The following FRMD5 variants were observed in gnomAD, a reference collection of about 807,000 sequenced individuals.
The protein encoded by FRMD5 is FERM domain-containing protein 5.
FRMD5 carries 20 observed loss-of-function variants against 69.0 expected under a neutral mutation model. That is an observed-to-expected ratio of 0.29 (90% CI 0.20 to 0.42). FRMD5 has a LOEUF of 0.42. Among genes scored for constraint, FRMD5 ranks in the 10% least tolerant of loss-of-function variants. FRMD5 has a pLI of 1.00. For missense variants in FRMD5, 595 were observed against 708.6 expected (o/e 0.84, Z 1.82); for synonymous variants, 271 against 260.1 (o/e 1.04, Z -0.40).
At chr15:44,046,705 T>C (rs543376143) in intron 1 of FRMD5, among the ~76,000 whole-genome samples, 3 of 152,370 alleles carry the variant, frequency 2.0e-5, no homozygotes, top group Non-Finnish European at 4.4e-5. Flanking sequence ...CTATAATTTT[T>C]CTAAGCAGTT....
intron 1 of FRMD5, among the ~76,000 whole-genome samples, chr15:44,054,714 T>A (rs1375719240): frequency 6.6e-6 from 1 of 152,228 alleles, no homozygotes; most frequent in East Asian, 1.9e-4. Context: ...GAGTGATATG[T>A]CAGTTTTCAA....
intron 1 of FRMD5, among the ~76,000 whole-genome samples, chr15:43,931,435 A>AAC (rs373803112): frequency 2.0e-5 from 3 of 151,686 alleles, no homozygotes; most frequent in Non-Finnish European, 4.4e-5. Context: ...CCCCACTCCC[A>AAC]ACACACACAC....
chr15:44,100,220 A>ATT (rs779826479), intron 1 of FRMD5, among the ~76,000 whole-genome samples: 16 of 140,914 alleles, frequency 1.1e-4, no homozygotes, highest in Non-Finnish European at 2.0e-4. Context: ...CACCCGGCTA[A>ATT]ATTTTTTTTT....
At chr15:43,989,987 T>G (rs1889592860) in intron 1 of FRMD5, 1 of 993,042 alleles carries the variant, frequency 1.0e-6, no homozygotes, top group Admixed American at 1.7e-5. Flanking sequence ...TACTTCAGGG[T>G]CAGGATGCCT....
intron 1 of FRMD5, among the ~76,000 whole-genome samples, chr15:44,188,532 T>C (rs1237310208): frequency 1.3e-5 from 2 of 152,108 alleles, no homozygotes; most frequent in Non-Finnish European, 2.9e-5. Flanking sequence ...CTGAACTCCA[T>C]CCCCGGAGTT....
rs1377099905 is a variant in FRMD5 at position 43,874,146 on chromosome 15, C to A, written c.1452G>T (p.Gln484His). The A allele has an allele frequency of 6.2e-7, 1 of 1,614,110 alleles. No homozygotes were observed. Among genetic ancestry groups the A allele is most frequent in the East Asian group, 2.2e-5 (1 of 44,890 alleles). ...ALGGELRALCQGHSGPEEEQV... is the reference protein window; with the variant it reads ...ALGGELRALCHGHSGPEEEQV... ...GTTCCTCCTCGGGCCCGCTGTGCCCCTGACACAGGGCCCTCAGCTCTCCCC... is the reference window on the plus strand; with the variant it reads ...GTTCCTCCTCGGGCCCGCTGTGCCCATGACACAGGGCCCTCAGCTCTCCCC... The change falls in exon 14 of 14, where the codon CAG (glutamine) becomes CAT (histidine). Residue 484 changes from glutamine (Q) to histidine (H), a missense_variant. Gln to His is a conservative substitution (Grantham distance 24). Coordinates refer to ENST00000417257, the MANE Select transcript of FRMD5 (RefSeq NM_032892.5).
chr15:43,899,371 A>T (rs927394181), intron 7 of FRMD5, among the ~76,000 whole-genome samples: 3 of 152,126 alleles, frequency 2.0e-5, no homozygotes, highest in African/African-American at 4.8e-5. Flanking sequence ...AGGGCTCAGG[A>T]ACAAGGGACC....
At chr15:44,160,312 C>T (rs145229747) in intron 1 of FRMD5, among the ~76,000 whole-genome samples, 7 of 152,226 alleles carry the variant, frequency 4.6e-5, no homozygotes, top group Non-Finnish European at 7.4e-5. Flanking sequence ...GCCGAGATGG[C>T]GCCACTGCAC....
chr15:43,955,765 A>ACTGTCT (rs1421278168), intron 1 of FRMD5, among the ~76,000 whole-genome samples: 2 of 152,100 alleles, frequency 1.3e-5, no homozygotes, highest in African/African-American at 4.8e-5. Context: ...TTTCCAATGA[A>ACTGTCT]CTGTCTCTAT....
chr15:44,173,120 G>C (rs543339150), intron 1 of FRMD5, among the ~76,000 whole-genome samples: 1 of 152,106 alleles, frequency 6.6e-6, no homozygotes, highest in Admixed American at 6.5e-5. Context: ...CCAACAAATG[G>C]GCTTGACCAA....
At chr15:44,150,513 C>CT (rs1378448689) in intron 1 of FRMD5, among the ~76,000 whole-genome samples, 2 of 151,788 alleles carry the variant, frequency 1.3e-5, no homozygotes, top group African/African-American at 4.8e-5. Flanking sequence ...GGTGTGATGG[C>CT]TGACTCCTGT....
intron 1 of FRMD5, among the ~76,000 whole-genome samples, chr15:43,978,481 C>T (rs144727450): frequency 1.3e-5 from 2 of 152,246 alleles, no homozygotes; most frequent in East Asian, 1.9e-4. Context: ...GAGTAGGTGG[C>T]AATGTTCTAT....
chr15:43,898,530 C>G (rs190928403), intron 7 of FRMD5, among the ~76,000 whole-genome samples: 46 of 152,340 alleles, frequency 3.0e-4, no homozygotes, highest in African/African-American at 7.9e-4. Flanking sequence ...TGTAACAGGC[C>G]TCACTACTCC....
At chr15:43,964,500 C>CAAAAAA (rs59698503) in intron 1 of FRMD5, among the ~76,000 whole-genome samples, 7 of 129,688 alleles carry the variant, frequency 5.4e-5, no homozygotes, top group South Asian at 2.5e-4. Flanking sequence ...AACAAACAAA[C>CAAAAAA]AAAAAAAAAA....
intron 1 of FRMD5, chr15:44,194,739 G>A: frequency 3.1e-6 from 2 of 652,168 alleles, no homozygotes; most frequent in African/African-American, 1.9e-5. Context: ...GCGGAGACTC[G>A]CCCCGCGGCG....
intron 1 of FRMD5, among the ~76,000 whole-genome samples, chr15:44,151,638 C>T (rs1489003597): frequency 6.6e-6 from 1 of 151,942 alleles, no homozygotes; most frequent in Non-Finnish European, 1.5e-5. Flanking sequence ...AGATGTAAAA[C>T]CTAAAACTAT....
At chr15:44,089,406 T>C (rs1399484188) in intron 1 of FRMD5, among the ~76,000 whole-genome samples, 1 of 152,032 alleles carries the variant, frequency 6.6e-6, no homozygotes, top group Admixed American at 6.6e-5. Context: ...TGCTTGTCCT[T>C]TAAAAAGTTT....
intron 1 of FRMD5, among the ~76,000 whole-genome samples, chr15:44,026,455 C>A (rs371239725): frequency 3.2e-4 from 49 of 152,156 alleles, no homozygotes; most frequent in Middle Eastern, 6.8e-3. Flanking sequence ...TAGTTTTTTT[C>A]CCTTTCCACA....
At chr15:44,162,509 A>G (rs2077632769) in intron 1 of FRMD5, among the ~76,000 whole-genome samples, 2 of 151,902 alleles carry the variant, frequency 1.3e-5, no homozygotes, top group Non-Finnish European at 2.9e-5. Context: ...TTGTATTTCT[A>G]TTGGCTCTAA....
Sources: allele counts gnomAD v4.1 joint callset (sites outside exome capture counted in the v4.1 genomes callset), GRCh38; gene constraint gnomAD v4.1.1; transcripts MANE v1.5; gene names NCBI Gene and HGNC (gene_info 2026-07-23, HGNC 2026-07-21).